REXO1: variants seen among roughly 807,000 people sequenced by gnomAD.
REXO1 encodes REX1, RNA exonuclease 1 homolog.
REXO1 carries 42 observed loss-of-function variants against 102.6 expected under a neutral mutation model. That is an observed-to-expected ratio of 0.41 (90% CI 0.32 to 0.53). The LOEUF is 0.53. Among genes scored for constraint, REXO1 ranks in the 20% least tolerant of loss-of-function variants. The probability of loss-of-function intolerance (pLI) is 0.27; values close to 1 mark genes in which losing one functional copy is unlikely to be tolerated. For missense variants in REXO1, 1,819 were observed against 1,732.5 expected, an observed-to-expected ratio of 1.05 and a Z score of -0.89; for synonymous variants, 908 against 779.1, an observed-to-expected ratio of 1.17 and a Z score of -2.76.
rs1483557889 is a variant in REXO1, at chr19:1,826,500, GA to G, written c.1911+377del. On this transcript the variant is annotated intron_variant, in intron 2 of 15. Transcript: ENST00000170168. The surrounding 1 kb of genome is among the most constrained non-coding windows in gnomAD (Gnocchi z 4.3). ...TGGGGGAAGGGAGGAGGGGAGAAGA[GA>G]GGGGGAAGGGAGGAAAGGGGAGGCG... 6.8e-6 allele frequency among the ~76,000 whole-genome samples: 1 copy of G among 147,990 alleles called. No homozygotes were observed. Among genetic ancestry groups the G allele is most frequent in the Non-Finnish European group, 1.5e-5 (1 of 66,830 alleles).
In REXO1 at chr19:1,825,860, G is replaced by A. The variant is rs12983295; in HGVS notation, c.1995C>T (p.His665=). The change falls in exon 3 of 16, where the codon CAC becomes CAT. Residue 665 remains histidine (H), a synonymous_variant. Coordinates refer to ENST00000170168, the MANE Select transcript of REXO1 (RefSeq NM_020695.4). ...TTACCTCCTGGCCTTGCTTGGAAAG[G>A]TGGGAGATCCTCCTCTTCTGCCCGG... is the stretch of plus-strand genomic sequence containing the variant. ...LFPGQKRRIS[H]LSKQGQEVEP... 6.2e-7 allele frequency: 1 copy of A among 1,613,024 alleles called. No individual in the cohort carries two copies. Among genetic ancestry groups the A allele is most frequent in the South Asian group, 1.1e-5 (1 of 91,036 alleles).
At position 1,828,445 on chromosome 19, in the gene REXO1, G is replaced by T. The variant is rs756855431; in HGVS notation, c.344C>A (p.Thr115Lys). ...CTCGGCGGAGCGGTGCTCACGGGTC[G>T]TCTCCAGCAGCTCCCGGTAGCGCCG... ...EQRRYRELLE[T>K]TREHRSAEAP... The change falls in exon 2 of 16, where the codon ACG (threonine) becomes AAG (lysine). Residue 115 changes from threonine to lysine, a missense_variant. Coordinates refer to ENST00000170168, the MANE Select transcript of REXO1 (RefSeq NM_020695.4). The T allele has an allele frequency of 3.5e-5, 57 of 1,608,724 alleles. No individual in the cohort carries two copies. The highest frequency in any genetic ancestry group is 4.4e-5 in the Non-Finnish European group (52 of 1,179,404).
chr19:1,838,144 A>C (rs1050071143), intron 1 of REXO1, among the ~76,000 whole-genome samples: 1 of 151,864 alleles, frequency 6.6e-6, no homozygotes, highest in Non-Finnish European at 1.5e-5. Flanking sequence ...ACATGGGGAA[A>C]CCCCGTCCCT....
chr19:1,843,565 A>G (rs1026305612), intron 1 of REXO1, among the ~76,000 whole-genome samples: 2 of 152,222 alleles, frequency 1.3e-5, no homozygotes, highest in African/African-American at 4.8e-5. Flanking sequence ...ACTCCAGGCC[A>G]GGCAGGCAGG....
chr19:1,842,026 C>G (rs568136706), intron 1 of REXO1, among the ~76,000 whole-genome samples: 1 of 152,128 alleles, frequency 6.6e-6, no homozygotes, highest in African/African-American at 2.4e-5. Context: ...GCCTGGCCAA[C>G]ATGGTGAAAC....
At position 1,815,918 on chromosome 19, in the gene REXO1, C is replaced by CGCCCA; in HGVS notation, c.*147_*148insTGGGC. The CGCCCA allele has an allele frequency of 6.5e-7, 1 of 1,534,318 alleles. No individual in the cohort carries two copies. Among genetic ancestry groups the CGCCCA allele is most frequent in the Non-Finnish European group, 8.7e-7 (1 of 1,146,306 alleles). ...GTGAGCGGGGGTGGGCTGGGCTGGG[C>CGCCCA]GTTCTCTGGCCGCCAGCTCATCCCG... On this transcript the variant is annotated 3_prime_UTR_variant, in exon 16 of 16. Coordinates refer to ENST00000170168, the MANE Select transcript of REXO1 (RefSeq NM_020695.4). The surrounding 1 kb of genome is among the most constrained non-coding windows in gnomAD (Gnocchi z 4.0).
chr19:1,816,369 C>G, intron 14 of REXO1, 24 bp from the exon 15 acceptor site: 3 of 1,591,360 alleles, frequency 1.9e-6, no homozygotes, highest in Non-Finnish European at 2.6e-6. Flanking sequence ...CAGAGATCAG[C>G]GCACGTGGGG....
At chr19:1,844,202 C>T (rs2011432093) in intron 1 of REXO1, among the ~76,000 whole-genome samples, 2 of 152,256 alleles carry the variant, frequency 1.3e-5, no homozygotes, top group Admixed American at 1.3e-4. Flanking sequence ...CCACATCCAA[C>T]CCAGCACTGC....
At chr19:1,841,326 C>T (rs2011266020) in intron 1 of REXO1, among the ~76,000 whole-genome samples, 1 of 152,262 alleles carries the variant, frequency 6.6e-6, no homozygotes, top group African/African-American at 2.4e-5. Flanking sequence ...CCAGCGCTCC[C>T]CGGAAACCTG....
At chr19:1,825,380 G>A (rs1039261464) in intron 3 of REXO1, among the ~76,000 whole-genome samples, 54 of 149,858 alleles carry the variant, frequency 3.6e-4, no homozygotes, top group Non-Finnish European at 5.9e-4. Context: ...AGTGGCTCAC[G>A]CCTGTAATCC....
In REXO1 at chr19:1,817,795, GACAC is replaced by G. The variant is rs770359711; in HGVS notation, c.3017-19_3017-16del. The G allele has an allele frequency of 1.2e-6, 2 of 1,609,502 alleles. No homozygotes were observed. The highest frequency in any genetic ancestry group is 1.7e-6 in the Non-Finnish European group (2 of 1,178,172). On this transcript the variant is annotated splice_polypyrimidine_tract_variant and intron_variant, in intron 10 of 15. Transcript: ENST00000170168. The stretch of plus-strand genomic sequence containing the variant: ...GCCTCCGGCCACTGCAGGGGACACA[GACAC>G]ACAGTCAGGGCCCGGCCAGGCCCAC...
chr19:1,819,270 G>A (rs537959242), intron 7 of REXO1, 139 bp from the exon 8 acceptor site: 11 of 636,064 alleles, frequency 1.7e-5, no homozygotes, highest in Admixed American at 1.5e-4. Context: ...CACTGACCCC[G>A]GGTTCCAGCC....
intron 4 of REXO1, chr19:1,821,922 G>A: frequency 3.5e-6 from 2 of 573,696 alleles, no homozygotes; most frequent in Non-Finnish European, 6.1e-6. Context: ...CACGTCACCG[G>A]TGGGGTGGTC....
chr19:1,821,790 G>A (rs753722023), intron 4 of REXO1, 108 bp from the exon 5 acceptor site: 34 of 999,982 alleles, frequency 3.4e-5, no homozygotes, highest in Non-Finnish European at 4.1e-5. Flanking sequence ...GTGCATCTCC[G>A]CGTGCAGGGG....
intron 1 of REXO1, among the ~76,000 whole-genome samples, chr19:1,829,543 G>C (rs140762087): frequency 2.0e-5 from 3 of 152,130 alleles, no homozygotes; most frequent in Non-Finnish European, 4.4e-5. Flanking sequence ...GCGCGGTGGC[G>C]CACGCCTGTA....
At chr19:1,841,553 CAGG>C (rs1365712246) in intron 1 of REXO1, among the ~76,000 whole-genome samples, 8 of 152,218 alleles carry the variant, frequency 5.3e-5, no homozygotes, top group Non-Finnish European at 1.0e-4. Flanking sequence ...TAACGCCCAG[CAGG>C]AGGAGGCCGG....
chr19:1,840,465 C>T (rs548082232), intron 1 of REXO1, among the ~76,000 whole-genome samples: 45 of 152,246 alleles, frequency 3.0e-4, no homozygotes, highest in African/African-American at 1.0e-3. Context: ...GCCCCATCGG[C>T]GGCAAGCTCC....
chr19:1,831,538 A>G (rs999134550), intron 1 of REXO1, among the ~76,000 whole-genome samples: 2 of 152,074 alleles, frequency 1.3e-5, no homozygotes, highest in East Asian at 1.9e-4. Context: ...CCCAGCAGGC[A>G]TAAGAAAGAA....
chr19:1,820,177 G>A (rs1002214475), intron 6 of REXO1, 87 bp downstream of exon 6: 7 of 1,560,042 alleles, frequency 4.5e-6, no homozygotes, highest in Non-Finnish European at 6.1e-6. Context: ...GGTCACAGCT[G>A]CGGCTGAGAG....
Sources: gnomAD v4.1 joint callset for allele counts (sites outside exome capture counted in the v4.1 genomes callset) on GRCh38, gnomAD v4.1.1 for gene constraint, Gnocchi (gnomAD v3.1) non-coding constraint, MANE v1.5 for transcripts, NCBI Gene and HGNC (gene_info 2026-07-23, HGNC 2026-07-21) for gene names.